The following TFEC variants were observed in gnomAD, a reference collection of about 807,000 sequenced individuals.
TFEC encodes transcription factor EC.
In TFEC, 31 loss-of-function variants were observed where a neutral mutation model predicts 41.6. The observed-to-expected ratio is 0.74, with a 90% CI of 0.56 to 1.01. The LOEUF (loss-of-function observed/expected upper bound fraction) is 1.01, where lower values mean the gene tolerates loss of function less well. Ranked by LOEUF, TFEC falls within the 50% of genes least tolerant of loss-of-function variation. The probability of loss-of-function intolerance (pLI) is 0.00; values close to 1 mark genes in which losing one functional copy is unlikely to be tolerated. For synonymous variants in TFEC, 143 were observed against 140.6 expected (o/e 1.02, Z -0.12); for missense variants, 402 against 404.1 (o/e 0.99, Z 0.04).
At chr7:115,947,579 C>T (rs1791665463) in intron 6 of TFEC, among the ~76,000 whole-genome samples, 1 of 151,438 alleles carries the variant, frequency 6.6e-6, no homozygotes, top group Non-Finnish European at 1.5e-5. Context: ...TCTCCAGCAC[C>T]TGTTGTTTCC....
chr7:116,039,502 G>A (rs1048284188), intron 3 of TFEC, among the ~76,000 whole-genome samples: 1 of 151,370 alleles, frequency 6.6e-6, no homozygotes, highest in Non-Finnish European at 1.5e-5. Flanking sequence ...CAAGATATAT[G>A]CCAAAAGCAC....
intron 3 of TFEC, among the ~76,000 whole-genome samples, chr7:116,038,664 G>T (rs1349413166): frequency 6.6e-6 from 1 of 151,988 alleles, no homozygotes; most frequent in African/African-American, 2.4e-5. Context: ...ATGTTAGAAT[G>T]TTCCCAATGA....
intron 3 of TFEC, among the ~76,000 whole-genome samples, chr7:116,109,734 C>G (rs1797805430): frequency 6.6e-6 from 1 of 152,124 alleles, no homozygotes; most frequent in Admixed American, 6.6e-5. Flanking sequence ...GGTATATACC[C>G]AAAGGATTAT....
At chr7:115,954,819 A>G (rs1350970497) in intron 4 of TFEC, among the ~76,000 whole-genome samples, 177 bp from the exon 5 acceptor site, 2 of 152,044 alleles carry the variant, frequency 1.3e-5, no homozygotes, top group Non-Finnish European at 2.9e-5. Flanking sequence ...GTGAAAGGCA[A>G]TGGCAAAGCT....
chr7:115,977,783 G>C (rs1421352545), intron 2 of TFEC, among the ~76,000 whole-genome samples: 1 of 151,914 alleles, frequency 6.6e-6, no homozygotes, highest in East Asian at 1.9e-4. Context: ...TCTATACATA[G>C]ATAAATTCTA....
chr7:116,097,261 TG>T lies in TFEC; in HGVS notation c.198+13446del, dbSNP rs557759236. Among the ~76,000 whole-genome samples the T allele has an allele frequency of 3.5e-3, 527 of 152,220 alleles. 11 individuals carry two copies. Among genetic ancestry groups the T allele is most frequent in the Non-Finnish European group, 1.0e-3 (69 of 68,016 alleles). ...GTATACAGTAGTCCCCCTTTATCCA[TG>T]GGAGGATATGTTCTAAGACCCCCAG... On this transcript the variant is annotated intron_variant, in intron 3 of 8. Coordinates refer to the TFEC transcript ENST00000484212.
chr7:115,988,365 G>A (rs1453074805), intron 1 of TFEC, among the ~76,000 whole-genome samples: 1 of 151,748 alleles, frequency 6.6e-6, no homozygotes, highest in African/African-American at 2.4e-5. Flanking sequence ...CAGAGTGATA[G>A]AAATTCCAAG....
chr7:115,965,819 C>A (rs957326442), intron 3 of TFEC, among the ~76,000 whole-genome samples: 1 of 151,710 alleles, frequency 6.6e-6, no homozygotes. Flanking sequence ...ACATAAATAA[C>A]CTGACCTGAA....
chr7:115,994,767 ACC>A (rs1794285807), intron 1 of TFEC, among the ~76,000 whole-genome samples: 1 of 152,214 alleles, frequency 6.6e-6, no homozygotes, highest in Non-Finnish European at 1.5e-5. Context: ...AACTAGTTCA[ACC>A]ATTGTGGAAG....
chr7:116,137,908 G>C (rs972362947), intron 1 of TFEC, among the ~76,000 whole-genome samples: 1 of 151,754 alleles, frequency 6.6e-6, no homozygotes, highest in African/African-American at 2.4e-5. Context: ...TTATAAATTT[G>C]AATATGAATA....
intron 1 of TFEC, among the ~76,000 whole-genome samples, chr7:116,144,050 T>C (rs1026240007): frequency 2.4e-4 from 36 of 151,988 alleles, no homozygotes; most frequent in African/African-American, 8.0e-4. Context: ...AAACGCTGTC[T>C]CTACTAAAAA....
At chr7:116,002,886 C>A (rs1006197472) in intron 1 of TFEC, among the ~76,000 whole-genome samples, 2 of 151,840 alleles carry the variant, frequency 1.3e-5, no homozygotes, top group Non-Finnish European at 2.9e-5. Flanking sequence ...AGGGCAACCA[C>A]TAAATTTTCT....
intron 2 of TFEC, among the ~76,000 whole-genome samples, chr7:115,976,118 A>C (rs947287982): frequency 1.3e-5 from 2 of 152,096 alleles, no homozygotes; most frequent in Non-Finnish European, 2.9e-5. Flanking sequence ...ATTTCATTTA[A>C]TTTTTTTAAA....
At chr7:116,034,442 A>G (rs1365570526), upstream of TFEC, among the ~76,000 whole-genome samples, 3 of 151,868 alleles carry the variant, frequency 2.0e-5, no homozygotes, top group Non-Finnish European at 4.4e-5. Context: ...TTCCCCAACT[A>G]GATTAACACC....
intron 1 of TFEC, among the ~76,000 whole-genome samples, chr7:116,119,190 A>C (rs1351974597): frequency 1.3e-5 from 2 of 151,838 alleles, no homozygotes; most frequent in Non-Finnish European, 2.9e-5. Context: ...AGAGAAGCTG[A>C]AACTCAACAA....
intron 1 of TFEC, among the ~76,000 whole-genome samples, chr7:116,002,518 C>A (rs921313950): frequency 2.6e-5 from 4 of 151,998 alleles, no homozygotes; most frequent in Non-Finnish European, 4.4e-5. Context: ...ACAATGGTTG[C>A]CTGAGGCTGG....
intron 3 of TFEC, among the ~76,000 whole-genome samples, chr7:115,960,734 T>A (rs1456017288): frequency 6.6e-6 from 1 of 151,534 alleles, no homozygotes; most frequent in Non-Finnish European, 1.5e-5. Flanking sequence ...GATTGACAGA[T>A]AAAGTAAGAA....
At chr7:115,994,448 A>T (rs1427130028) in intron 1 of TFEC, among the ~76,000 whole-genome samples, 2 of 152,208 alleles carry the variant, frequency 1.3e-5, no homozygotes, top group Admixed American at 1.3e-4. Context: ...AATTTTTACA[A>T]CCTATCCCTC....
chr7:116,041,294 GAA>G (rs200802191), intron 3 of TFEC, among the ~76,000 whole-genome samples: 1 of 149,092 alleles, frequency 6.7e-6, no homozygotes, highest in Admixed American at 6.7e-5. Context: ...TAAAAAAAAA[GAA>G]AAAAAAAGTC....
Sources: allele counts gnomAD v4.1 joint callset (sites outside exome capture counted in the v4.1 genomes callset), GRCh38; gene constraint gnomAD v4.1.1; transcripts MANE v1.5; gene names NCBI Gene and HGNC (gene_info 2026-07-23, HGNC 2026-07-21).